The following MPPED2 variants were observed in gnomAD, a reference collection of about 807,000 sequenced individuals.
MPPED2 encodes the protein metallophosphoesterase MPPED2.
Under a neutral mutation model 33.0 loss-of-function variants are expected in MPPED2, and 5 were observed. The observed-to-expected ratio is 0.15, with a 90% CI of 0.08 to 0.32. The LOEUF is 0.32. Ranked by LOEUF, MPPED2 falls within the 10% of genes least tolerant of loss-of-function variation. MPPED2 has a pLI of 1.00. For missense variants in MPPED2, 275 were observed against 372.1 expected (o/e 0.74, Z 2.15); for synonymous variants, 136 against 141.9 (o/e 0.96, Z 0.29).
At chr11:30,473,769 C>T (rs576832368) in intron 4 of MPPED2, among the ~76,000 whole-genome samples, 2 of 152,294 alleles carry the variant, frequency 1.3e-5, no homozygotes, top group African/African-American at 4.8e-5. Flanking sequence ...TTGTGAGCTG[C>T]CCTGTGGAGA....
chr11:30,558,444 T>A (rs1590852928), intron 2 of MPPED2, among the ~76,000 whole-genome samples: 1 of 151,982 alleles, frequency 6.6e-6, no homozygotes, highest in East Asian at 1.9e-4. Flanking sequence ...TGAGACAAGA[T>A]CTTGCTCTGC....
At chr11:30,524,147 G>A (rs1954032169) in intron 3 of MPPED2, among the ~76,000 whole-genome samples, 1 of 152,110 alleles carries the variant, frequency 6.6e-6, no homozygotes, top group Non-Finnish European at 1.5e-5. Context: ...CTACTCAGTG[G>A]GAGGCTGAGG....
intron 1 of MPPED2, among the ~76,000 whole-genome samples, chr11:30,582,403 T>G (rs1331107218): frequency 6.6e-6 from 1 of 152,192 alleles, no homozygotes; most frequent in East Asian, 1.9e-4. Context: ...AAAAATTACT[T>G]GACAATTCTT....
intron 6 of MPPED2, chr11:30,388,998 A>G: frequency 6.6e-7 from 1 of 1,525,502 alleles, no homozygotes; most frequent in Non-Finnish European, 8.8e-7. Flanking sequence ...AGAGAGAGAG[A>G]GATGAACATG....
intron 2 of MPPED2, among the ~76,000 whole-genome samples, chr11:30,575,948 A>G (rs944189098): frequency 6.6e-6 from 1 of 152,212 alleles, no homozygotes; most frequent in Admixed American, 6.5e-5. Context: ...AAGAAAGGAC[A>G]AGATTTAGCA....
chr11:30,427,855 G>T (rs1021546147), intron 4 of MPPED2, among the ~76,000 whole-genome samples: 1 of 151,902 alleles, frequency 6.6e-6, no homozygotes, highest in Non-Finnish European at 1.5e-5. Flanking sequence ...TTTCTATAAT[G>T]ACTATATATC....
intron 4 of MPPED2, among the ~76,000 whole-genome samples, chr11:30,434,851 AT>A (rs55740612): frequency 0.25 from 37,163 of 149,874 alleles, 5,381 homozygotes; most frequent in Non-Finnish European, 0.34. Context: ...TAAAGTGCTA[AT>A]TTTTTTTTTT....
At chr11:30,479,787 T>C (rs1399497173) in intron 4 of MPPED2, among the ~76,000 whole-genome samples, 1 of 152,108 alleles carries the variant, frequency 6.6e-6, no homozygotes, top group Non-Finnish European at 1.5e-5. Context: ...TAAGAACATA[T>C]TTTAAAAGCT....
chr11:30,422,934 G>C (rs1054296982), intron 4 of MPPED2, among the ~76,000 whole-genome samples: 3 of 152,174 alleles, frequency 2.0e-5, no homozygotes, highest in African/African-American at 7.2e-5. Context: ...CCTCCCCCTT[G>C]CTCTTGAAAT....
intron 4 of MPPED2, among the ~76,000 whole-genome samples, chr11:30,464,268 AACACACACACAC>A (rs10660237): frequency 1.4e-5 from 2 of 145,914 alleles, no homozygotes; most frequent in African/African-American, 2.5e-5. Flanking sequence ...AAAGGATACT[AACACACACACAC>A]ACACACACAC....
chr11:30,396,221 C>T (rs1211327132), intron 6 of MPPED2, among the ~76,000 whole-genome samples: 4 of 152,118 alleles, frequency 2.6e-5, no homozygotes, highest in Non-Finnish European at 1.5e-5. Flanking sequence ...GACAATATAA[C>T]CTTGCAAAAT....
chr11:30,421,478 A>G (rs1379092469), intron 4 of MPPED2, among the ~76,000 whole-genome samples: 1 of 152,132 alleles, frequency 6.6e-6, no homozygotes, highest in Non-Finnish European at 1.5e-5. Context: ...TTCCAGGAAA[A>G]AAAAAAAAAA....
chr11:30,429,122 G>T (rs1236588560), intron 4 of MPPED2: 1 of 152,188 alleles, frequency 6.6e-6, no homozygotes, highest in Non-Finnish European at 1.5e-5. Context: ...CAATTTACTT[G>T]CTATATAACC....
intron 1 of MPPED2, among the ~76,000 whole-genome samples, chr11:30,585,685 C>A (rs1456409347): frequency 6.6e-6 from 1 of 152,056 alleles, no homozygotes; most frequent in Non-Finnish European, 1.5e-5. Context: ...GGTGGGGACC[C>A]CCAGAGGTCG....
At chr11:30,583,410 A>G (rs1957288283) in intron 1 of MPPED2, among the ~76,000 whole-genome samples, 2 of 152,286 alleles carry the variant, frequency 1.3e-5, no homozygotes, top group South Asian at 4.1e-4. Flanking sequence ...TTCATTTTAT[A>G]CTTCAACACA....
At chr11:30,504,706 A>T (rs1952738343) in intron 3 of MPPED2, 1 of 1,133,912 alleles carries the variant, frequency 8.8e-7, no homozygotes, top group Non-Finnish European at 1.2e-6. Context: ...AATTTTCACA[A>T]GTCCTGACAG....
chr11:30,551,649 G>A (rs181110489), intron 2 of MPPED2, among the ~76,000 whole-genome samples: 18 of 152,094 alleles, frequency 1.2e-4, no homozygotes, highest in Middle Eastern at 6.8e-3. Flanking sequence ...CTCTTATTTC[G>A]TTTAAAAGAA....
intron 4 of MPPED2, among the ~76,000 whole-genome samples, chr11:30,430,436 C>T (rs1216384441): frequency 1.3e-5 from 2 of 152,132 alleles, no homozygotes; most frequent in Non-Finnish European, 2.9e-5. Flanking sequence ...TAGAATATAT[C>T]ATTAAACCAA....
intron 4 of MPPED2, among the ~76,000 whole-genome samples, chr11:30,454,909 T>C (rs486964): frequency 0.98 from 149,059 of 152,332 alleles, 72,952 homozygotes; most frequent in East Asian, 1. Context: ...AGGGCCTCTT[T>C]CAGGTAGTTG....
Sources: gnomAD v4.1 joint callset for allele counts (sites outside exome capture counted in the v4.1 genomes callset) on GRCh38, gnomAD v4.1.1 for gene constraint, MANE v1.5 for transcripts, NCBI Gene and HGNC (gene_info 2026-07-23, HGNC 2026-07-21) for gene names.